Variants in STX8 observed in about 807,000 individuals in gnomAD.
The protein encoded by STX8 is syntaxin 8, also known as syntaxin-8.
STX8 carries 23 observed loss-of-function variants against 37.5 expected under a neutral mutation model. The observed-to-expected ratio is 0.61, with a 90% CI of 0.44 to 0.87. The LOEUF is 0.87. Among genes scored for constraint, STX8 ranks in the 40% least tolerant of loss-of-function variants. The pLI, the probability that STX8 is intolerant of heterozygous loss-of-function variation, is 0.00. For synonymous variants in STX8, 115 were observed against 99.1 expected, an observed-to-expected ratio of 1.16 and a Z score of -0.95; for missense variants, 313 against 284.7, an observed-to-expected ratio of 1.10 and a Z score of -0.71.
intron 4 of STX8, among the ~76,000 whole-genome samples, chr17:9,539,312 A>C (rs2142556922): frequency 6.7e-6 from 1 of 149,846 alleles, no homozygotes; most frequent in African/African-American, 2.5e-5. Flanking sequence ...GATGGGGAAG[A>C]AAGAGAGGAA....
At chr17:9,297,765 G>A (rs541892457) in intron 7 of STX8, among the ~76,000 whole-genome samples, 10 of 152,106 alleles carry the variant, frequency 6.6e-5, no homozygotes, top group Non-Finnish European at 1.5e-4. Context: ...AGTCCCAGCT[G>A]CCTGGGAGGT....
chr17:9,367,214 C>CA (rs1282524868), intron 7 of STX8, among the ~76,000 whole-genome samples: 1 of 150,650 alleles, frequency 6.6e-6, no homozygotes, highest in Non-Finnish European at 1.5e-5. Flanking sequence ...TGTCCAGATC[C>CA]AAGTTTTGTT....
intron 4 of STX8, among the ~76,000 whole-genome samples, chr17:9,516,040 T>C (rs1402683664): frequency 1.3e-5 from 2 of 152,040 alleles, no homozygotes; most frequent in Non-Finnish European, 2.9e-5. Flanking sequence ...ACACAGGATT[T>C]GTCCATGGTT....
intron 6 of STX8, among the ~76,000 whole-genome samples, chr17:9,425,294 A>G (rs1913587099): frequency 6.6e-6 from 1 of 152,158 alleles, no homozygotes; most frequent in Non-Finnish European, 1.5e-5. Context: ...AAAAATCTCA[A>G]TACTTCAGAT....
In STX8 at chr17:9,558,251, T is replaced by C. The variant is rs191704741; in HGVS notation, c.118-723A>G. On this transcript the variant is annotated intron_variant, in intron 2 of 7. Transcript: ENST00000306357. ...AAAACATATTCAACCACGGATGAAA[T>C]CAGACATATGTTAAAAACACAGAAT... Among the ~76,000 whole-genome samples, 7 of 152,246 alleles carry C rather than the reference T, an allele frequency of 4.6e-5. No homozygotes were observed. In the East Asian group the frequency reaches 1.4e-3, roughly 29 times the overall value.
At chr17:9,493,532 T>C (rs941072803) in intron 5 of STX8, among the ~76,000 whole-genome samples, 3 of 152,142 alleles carry the variant, frequency 2.0e-5, no homozygotes, top group African/African-American at 7.2e-5. Context: ...CATGAAGAGT[T>C]TCCCCCAGCA....
chr17:9,346,172 A>G (rs1910529317), intron 7 of STX8, among the ~76,000 whole-genome samples: 1 of 152,158 alleles, frequency 6.6e-6, no homozygotes, highest in African/African-American at 2.4e-5. Context: ...TATTAAGACC[A>G]GGAAGAGTAA....
intron 6 of STX8, among the ~76,000 whole-genome samples, chr17:9,410,687 C>T (rs1447939588): frequency 2.0e-5 from 3 of 152,156 alleles, no homozygotes; most frequent in African/African-American, 7.2e-5. Context: ...CATGTGTTGA[C>T]AAGCAAACAC....
intron 2 of STX8, among the ~76,000 whole-genome samples, chr17:9,561,361 T>G (rs897225326): frequency 6.6e-6 from 1 of 151,958 alleles, no homozygotes; most frequent in Non-Finnish European, 1.5e-5. Context: ...AAGAAAACTT[T>G]GAAATTAAGA....
At chr17:9,311,432 T>C (rs1909185378) in intron 7 of STX8, among the ~76,000 whole-genome samples, 1 of 152,218 alleles carries the variant, frequency 6.6e-6, no homozygotes, top group South Asian at 2.1e-4. Flanking sequence ...ACTTGGTGTA[T>C]ATATTAATGA....
At chr17:9,495,872 G>A (rs1904378132) in intron 5 of STX8, among the ~76,000 whole-genome samples, 1 of 152,192 alleles carries the variant, frequency 6.6e-6, no homozygotes, top group Non-Finnish European at 1.5e-5. Context: ...ACACAATGCT[G>A]CTGACTGCAA....
intron 7 of STX8, among the ~76,000 whole-genome samples, chr17:9,269,064 G>A (rs1014676663): frequency 6.6e-6 from 1 of 152,202 alleles, no homozygotes; most frequent in African/African-American, 2.4e-5. Context: ...GCGGGCGCCT[G>A]TAGTCCCAGC....
At chr17:9,375,044 A>G (rs1165804092) in intron 7 of STX8, among the ~76,000 whole-genome samples, 1 of 144,940 alleles carries the variant, frequency 6.9e-6, no homozygotes, top group East Asian at 2.0e-4. Context: ...AGCCAGGGTG[A>G]CAGAGTGAGA....
intron 7 of STX8, among the ~76,000 whole-genome samples, chr17:9,364,004 C>T (rs1463741285): frequency 6.6e-6 from 1 of 152,150 alleles, no homozygotes; most frequent in Non-Finnish European, 1.5e-5. Flanking sequence ...ATTCCCACTC[C>T]CCAAATAAAT....
At chr17:9,492,504 C>T (rs1567584715) in intron 5 of STX8, among the ~76,000 whole-genome samples, 1 of 152,076 alleles carries the variant, frequency 6.6e-6, no homozygotes, top group South Asian at 2.1e-4. Context: ...TTTTTACCTG[C>T]CAATTCTAAG....
chr17:9,274,027 G>A (rs985410735), intron 7 of STX8, among the ~76,000 whole-genome samples: 2 of 152,212 alleles, frequency 1.3e-5, no homozygotes, highest in Non-Finnish European at 2.9e-5. Context: ...ACAGTCTCAT[G>A]TTAGCTCTGG....
In STX8 at chr17:9,564,079, AG is replaced by A. The variant is rs201413353; in HGVS notation, c.117+4291del. Among the ~76,000 whole-genome samples, 91 of 152,310 alleles carry A rather than the reference AG, an allele frequency of 6.0e-4. 2 individuals are homozygous for A. The East Asian group carries it at 0.016, about 27-fold the overall frequency. ...AAACACTCAATAAACTAGGTATTCAAGGAACATACCTCAAAATAATAAGAGC... is the reference window on the plus strand; with the variant it reads ...AAACACTCAATAAACTAGGTATTCAAGAACATACCTCAAAATAATAAGAGC... On this transcript the variant is annotated intron_variant, in intron 2 of 7. Transcript: ENST00000306357.
intron 4 of STX8, among the ~76,000 whole-genome samples, chr17:9,537,335 T>G (rs1206127122): frequency 6.6e-6 from 1 of 152,138 alleles, no homozygotes; most frequent in South Asian, 2.1e-4. Context: ...AGGGGCTGAG[T>G]GTGTGAAACT....
At chr17:9,387,453 C>A (rs1200567354) in intron 6 of STX8, among the ~76,000 whole-genome samples, 2 of 152,176 alleles carry the variant, frequency 1.3e-5, no homozygotes, top group African/African-American at 4.8e-5. Context: ...CGCCACCACA[C>A]CCGGCTAATT....
Sources: gnomAD v4.1 joint callset for allele counts (sites outside exome capture counted in the v4.1 genomes callset) on GRCh38, gnomAD v4.1.1 for gene constraint, MANE v1.5 for transcripts, NCBI Gene and HGNC (gene_info 2026-07-23, HGNC 2026-07-21) for gene names.